Variants in LNX1 observed in about 807,000 individuals in gnomAD.
The protein encoded by LNX1 is E3 ubiquitin-protein ligase LNX.
Under a neutral mutation model 68.4 loss-of-function variants are expected in LNX1, and 54 were observed. That is an observed-to-expected ratio of 0.79 (90% confidence interval 0.63 to 0.99). The LOEUF is 0.99. Among genes scored for constraint, LNX1 ranks in the 50% least tolerant of loss-of-function variants. The probability of loss-of-function intolerance (pLI) is 0.00; values close to 1 mark genes in which losing one functional copy is unlikely to be tolerated. For missense variants in LNX1, 906 were observed against 926.4 expected (o/e 0.98, Z 0.29); for synonymous variants, 336 against 350.0 (o/e 0.96, Z 0.45).
At chr4:53,645,836 C>T (rs1164668629) in intron 1 of LNX1, among the ~76,000 whole-genome samples, 1 of 152,160 alleles carries the variant, frequency 6.6e-6, no homozygotes, top group Non-Finnish European at 1.5e-5. Flanking sequence ...ATATCTGAAA[C>T]CGTATGAAAT....
intron 6 of LNX1, among the ~76,000 whole-genome samples, chr4:53,484,170 T>C (rs1186331010): frequency 6.6e-6 from 1 of 152,182 alleles, no homozygotes; most frequent in Non-Finnish European, 1.5e-5. Flanking sequence ...TAAATTTATG[T>C]TGTTTACAAG....
chr4:53,516,142 G>A (rs546682170), intron 2 of LNX1, among the ~76,000 whole-genome samples: 21 of 152,146 alleles, frequency 1.4e-4, no homozygotes, highest in Admixed American at 2.6e-4. Context: ...CTCAGGAGGC[G>A]GAGGCAGGAG....
At chr4:53,572,874 G>A (rs80104178) in intron 2 of LNX1, among the ~76,000 whole-genome samples, 2,690 of 152,264 alleles carry the variant, frequency 0.018, 69 homozygotes, top group African/African-American at 0.061. Context: ...GAAGACAAAA[G>A]TTTCCTAAAT....
intron 2 of LNX1, among the ~76,000 whole-genome samples, chr4:53,568,135 A>C (rs1341078109): frequency 6.6e-6 from 1 of 152,060 alleles, no homozygotes; most frequent in African/African-American, 2.4e-5. Context: ...AATCCTCCCT[A>C]ACTCATTTTA....
At chr4:53,529,264 C>T (rs747406686) in intron 2 of LNX1, among the ~76,000 whole-genome samples, 6 of 152,124 alleles carry the variant, frequency 3.9e-5, no homozygotes, top group Admixed American at 2.0e-4. Context: ...TAGCTACCTT[C>T]CCCCAGGCAT....
intron 2 of LNX1, among the ~76,000 whole-genome samples, chr4:53,528,378 T>C (rs1336187816): frequency 1.3e-5 from 2 of 152,234 alleles, no homozygotes; most frequent in Non-Finnish European, 2.9e-5. Context: ...CACAATGCTA[T>C]GTCATAGCTA....
At chr4:53,644,547 A>G (rs902745692) in intron 1 of LNX1, among the ~76,000 whole-genome samples, 18 of 152,244 alleles carry the variant, frequency 1.2e-4, no homozygotes, top group Non-Finnish European at 2.1e-4. Flanking sequence ...TTTGCAGTCC[A>G]TGATAAGAAA....
At chr4:53,509,864 G>A (rs944240632) in intron 2 of LNX1, among the ~76,000 whole-genome samples, 1 of 152,160 alleles carries the variant, frequency 6.6e-6, no homozygotes, top group African/African-American at 2.4e-5. Flanking sequence ...CCAGTCGCAC[G>A]AGTACCCCTT....
chr4:53,459,859 G>GAT lies in LNX1; in HGVS notation c.*1046_*1047dup. ...AACAAAGGGCCCCTCTAAGGCTTGA[G>GAT]ATTAAAACTAGTCTTTATCATTACT... On this transcript the variant is annotated 3_prime_UTR_variant, in exon 11 of 11. Coordinates refer to ENST00000263925, the MANE Select transcript of LNX1 (RefSeq NM_001126328.3). The GAT allele has an allele frequency of 4.1e-6, 1 of 243,162 alleles. No individual in the cohort carries two copies. The highest frequency in any genetic ancestry group is 6.2e-5 in the East Asian group (1 of 16,204). The allele number at this position is 243,162 out of a possible 1,614,324, so 15.1% of individuals were successfully genotyped here.
intron 4 of LNX1, among the ~76,000 whole-genome samples, chr4:53,501,311 G>GGGT (rs1553932778): frequency 5.4e-5 from 3 of 55,696 alleles, no homozygotes; most frequent in Non-Finnish European, 3.6e-5. Context: ...GGGGTGGGGG[G>GGGT]ACAGGATCTC....
chr4:53,583,290 A>G (rs1397856623), intron 1 of LNX1, among the ~76,000 whole-genome samples: 1 of 152,196 alleles, frequency 6.6e-6, no homozygotes, highest in African/African-American at 2.4e-5. Flanking sequence ...AAAAATAGTC[A>G]CACATGGAAT....
At chr4:53,613,555 G>T (rs142168503) in intron 2 of LNX1, among the ~76,000 whole-genome samples, 2 of 152,012 alleles carry the variant, frequency 1.3e-5, no homozygotes, top group Non-Finnish European at 2.9e-5. Flanking sequence ...GTTCCAATGC[G>T]GTATTTGGTT....
At chr4:53,567,484 G>A (rs1268817783) in intron 2 of LNX1, among the ~76,000 whole-genome samples, 10 of 152,254 alleles carry the variant, frequency 6.6e-5, no homozygotes, top group African/African-American at 1.9e-4. Flanking sequence ...TCTCTGGGAC[G>A]CATGCAAAGC....
At chr4:53,604,977 T>A (rs1219695267) in intron 2 of LNX1, among the ~76,000 whole-genome samples, 1 of 152,182 alleles carries the variant, frequency 6.6e-6, no homozygotes, top group African/African-American at 2.4e-5. Flanking sequence ...ACCAGGGAAT[T>A]TCAGGACACC....
chr4:53,460,869 T>TATA lies in LNX1; in HGVS notation c.*37_*38insTAT. On this transcript the variant is annotated 3_prime_UTR_variant, in exon 11 of 11. Transcript: ENST00000263925. ...ATAGTGTTTCAACTTCTTAGCCTAT[T>TATA]TGTGATTTTTCTGTTTTCCTCTGAC... 6.4e-7 allele frequency: 1 copy of TATA among 1,565,794 alleles called. No homozygotes were observed. The highest frequency in any genetic ancestry group is 8.7e-7 in the Non-Finnish European group (1 of 1,149,186).
intron 1 of LNX1, among the ~76,000 whole-genome samples, chr4:53,638,700 C>T (rs1273969313): frequency 6.6e-6 from 1 of 152,140 alleles, no homozygotes; most frequent in Non-Finnish European, 1.5e-5. Flanking sequence ...CTGTGATGTA[C>T]CTTACAGAGG....
At chr4:53,633,847 C>T (rs1202735402) in intron 1 of LNX1, among the ~76,000 whole-genome samples, 2 of 152,114 alleles carry the variant, frequency 1.3e-5, no homozygotes, top group Admixed American at 6.6e-5. Context: ...GGGGAGATTG[C>T]ATAACCTTCT....
chr4:53,486,192 C>T (rs980037680), intron 6 of LNX1, among the ~76,000 whole-genome samples: 17 of 152,172 alleles, frequency 1.1e-4, no homozygotes, highest in African/African-American at 4.1e-4. Context: ...CTTTTCCGCC[C>T]TGCGCCAGTT....
chr4:53,487,747 G>C (rs2109439389), intron 6 of LNX1, among the ~76,000 whole-genome samples: 2 of 152,324 alleles, frequency 1.3e-5, no homozygotes, highest in Middle Eastern at 6.8e-3. Context: ...GCTGCTTATA[G>C]AGCTCGTCCT....
Sources: allele counts gnomAD v4.1 joint callset (sites outside exome capture counted in the v4.1 genomes callset), GRCh38; gene constraint gnomAD v4.1.1; transcripts MANE v1.5; gene names NCBI Gene and HGNC (gene_info 2026-07-23, HGNC 2026-07-21).